Variants in GPR176 observed in about 807,000 individuals in gnomAD.
GPR176 encodes the protein G-protein coupled receptor 176.
In GPR176, 26 loss-of-function variants were observed where a neutral mutation model predicts 35.4. That is an observed-to-expected ratio of 0.74 (90% CI 0.54 to 1.02). The LOEUF (loss-of-function observed/expected upper bound fraction) is 1.02, where lower values mean the gene tolerates loss of function less well. GPR176 is among the 50% of genes least tolerant of loss of function. The probability of loss-of-function intolerance (pLI) is 0.00; values close to 1 mark genes in which losing one functional copy is unlikely to be tolerated. For synonymous variants in GPR176, 278 were observed against 271.3 expected (o/e 1.02, Z -0.24); for missense variants, 597 against 665.3 (o/e 0.90, Z 1.13).
chr15:39,891,396 T>TC (rs1290855470), intron 1 of GPR176, among the ~76,000 whole-genome samples: 2 of 152,180 alleles, frequency 1.3e-5, no homozygotes, highest in African/African-American at 4.8e-5. Context: ...TCTTGCTGTG[T>TC]CGCCCAGGCT....
chr15:39,826,264 A>C (rs1900641773), intron 1 of GPR176, among the ~76,000 whole-genome samples: 1 of 152,216 alleles, frequency 6.6e-6, no homozygotes. Flanking sequence ...GCAGGGCAGC[A>C]GATGAGGGAA....
intron 1 of GPR176, among the ~76,000 whole-genome samples, chr15:39,891,774 G>A (rs535139865): frequency 6.6e-6 from 1 of 152,322 alleles, no homozygotes; most frequent in Admixed American, 6.5e-5. Flanking sequence ...AGGAGTTGGA[G>A]ACTGTAGTGA....
intron 1 of GPR176, among the ~76,000 whole-genome samples, chr15:39,877,426 A>C (rs1377150054): frequency 1.3e-5 from 2 of 152,212 alleles, no homozygotes; most frequent in African/African-American, 4.8e-5. Context: ...ATCAAATGTG[A>C]GCAAATATTT....
rs576027350 is a variant in GPR176 at position 39,808,030 on chromosome 15, C to T, written c.173-772G>A. 3.3e-5 allele frequency among the ~76,000 whole-genome samples: 5 copies of T among 152,278 alleles called. No homozygotes were observed. The South Asian group carries it at 6.2e-4, about 19-fold the overall frequency. On this transcript the variant is annotated intron_variant, in intron 1 of 2. Coordinates refer to ENST00000561100, the MANE Select transcript of GPR176 (RefSeq NM_007223.3). ...TCTCCTGGTTTTCCTTCCACCCTCC[C>T]GCTTCCGCCAGTCCTTGGCTGCTGC...
At chr15:39,851,805 T>G (rs1160480001) in intron 1 of GPR176, among the ~76,000 whole-genome samples, 1 of 152,208 alleles carries the variant, frequency 6.6e-6, no homozygotes. Context: ...AAGAATTTGT[T>G]GCCATTTCCA....
intron 1 of GPR176, among the ~76,000 whole-genome samples, chr15:39,846,211 A>G (rs1383095851): frequency 2.0e-5 from 3 of 152,196 alleles, no homozygotes; most frequent in African/African-American, 7.2e-5. Context: ...TAGAGATGAA[A>G]CCACCTTTGC....
At chr15:39,829,075 A>T in intron 1 of GPR176, 1 of 996,548 alleles carries the variant, frequency 1.0e-6, no homozygotes, top group Non-Finnish European at 1.5e-6. Flanking sequence ...CTGAAAGGTT[A>T]ATTACCCAAA....
At chr15:39,871,469 T>C (rs948950965) in intron 1 of GPR176, among the ~76,000 whole-genome samples, 1 of 152,242 alleles carries the variant, frequency 6.6e-6, no homozygotes, top group African/African-American at 2.4e-5. Flanking sequence ...TGTAGGAGTA[T>C]GTTTCATTGC....
At chr15:39,824,167 C>G (rs1054272039) in intron 1 of GPR176, among the ~76,000 whole-genome samples, 1 of 152,248 alleles carries the variant, frequency 6.6e-6, no homozygotes, top group Admixed American at 6.5e-5. Context: ...ATGTGACATG[C>G]TGTCTGGCTC....
rs2140885129 is a variant in GPR176, at chr15:39,919,880, G to A, written c.147C>T (p.Val49=). 1 of 1,490,782 alleles carries A rather than the reference G, an allele frequency of 6.7e-7. No individual in the cohort carries two copies. Among genetic ancestry groups the A allele is most frequent in the East Asian group, 2.7e-5 (1 of 37,252 alleles). The allele number at this position is 1,490,782 out of a possible 1,614,324, so 92.3% of individuals were successfully genotyped here. A position where few individuals can be genotyped will look rare whatever the true frequency, so the allele number is the denominator to read the frequency against. Residue 49 remains valine, a synonymous_variant, in exon 1 of 3, where the codon GTC becomes GTT. Coordinates refer to ENST00000561100, the MANE Select transcript of GPR176 (RefSeq NM_007223.3). ...LYRQFTTTVQ[V]VIFIGSLLGN... is the part of the protein sequence containing the mutation. ...CGAGCAGCGAGCCTATGAAGATGAC[G>A]ACCTGCACGGTGGTGGTGAACTGGC...
At chr15:39,872,243 G>A (rs1344122133) in intron 1 of GPR176, among the ~76,000 whole-genome samples, 3 of 152,184 alleles carry the variant, frequency 2.0e-5, no homozygotes, top group African/African-American at 7.2e-5. Flanking sequence ...CTGACATGGT[G>A]GGCCTTGAAG....
intron 1 of GPR176, among the ~76,000 whole-genome samples, chr15:39,837,122 G>A (rs1359420142): frequency 6.6e-6 from 1 of 152,082 alleles, no homozygotes; most frequent in Non-Finnish European, 1.5e-5. Flanking sequence ...ACTGCCTAAT[G>A]GGAGTCTGGT....
rs79165816 is a variant in GPR176 at position 39,886,454 on chromosome 15, C to G, written c.172+33401G>C. Among the ~76,000 whole-genome samples the G allele has an allele frequency of 4.6e-3, 706 of 152,220 alleles. 6 individuals carry two copies. Among genetic ancestry groups the G allele is most frequent in the African/African-American group, 0.016 (678 of 41,530 alleles). Reference sequence around the variant, plus strand: ...CCCACCCCCATCTTGATTTTCACATCTATAAAATTACAGCATTGGACCAAG... The same window carrying G: ...CCCACCCCCATCTTGATTTTCACATGTATAAAATTACAGCATTGGACCAAG... On this transcript the variant is annotated intron_variant, in intron 1 of 2. Coordinates refer to ENST00000561100, the MANE Select transcript of GPR176 (RefSeq NM_007223.3).
At chr15:39,838,574 AC>A (rs1901550709) in intron 1 of GPR176, among the ~76,000 whole-genome samples, 1 of 152,180 alleles carries the variant, frequency 6.6e-6, no homozygotes. Context: ...AGAACCAAAG[AC>A]AAAAACCACA....
chr15:39,812,488 G>A (rs547992178), intron 1 of GPR176, among the ~76,000 whole-genome samples: 103 of 152,272 alleles, frequency 6.8e-4, no homozygotes, highest in African/African-American at 2.3e-3. Flanking sequence ...CCAGTGATCT[G>A]CCAGGGGCTT....
At chr15:39,814,780 G>A (rs1899788763) in intron 1 of GPR176, 1 of 152,214 alleles carries the variant, frequency 6.6e-6, no homozygotes, top group Non-Finnish European at 1.5e-5. Context: ...ATCATTCTGA[G>A]AAAGGTTAAG....
intron 1 of GPR176, among the ~76,000 whole-genome samples, chr15:39,881,476 G>A (rs943325799): frequency 6.6e-6 from 1 of 152,192 alleles, no homozygotes; most frequent in Non-Finnish European, 1.5e-5. Context: ...GGCTGTTTGA[G>A]AGAAATTGTT....
intron 1 of GPR176, among the ~76,000 whole-genome samples, chr15:39,809,170 C>T (rs1347042869): frequency 6.6e-6 from 1 of 152,098 alleles, no homozygotes; most frequent in Non-Finnish European, 1.5e-5. Flanking sequence ...ATTTATATGC[C>T]TCTAGACAGC....
chr15:39,842,167 T>C (rs537970005), intron 1 of GPR176, among the ~76,000 whole-genome samples: 2 of 152,222 alleles, frequency 1.3e-5, no homozygotes, highest in Non-Finnish European at 2.9e-5. Context: ...AGAGGTTTAA[T>C]TGGCACACAG....
Sources: allele counts gnomAD v4.1 joint callset (sites outside exome capture counted in the v4.1 genomes callset), GRCh38; gene constraint gnomAD v4.1.1; transcripts MANE v1.5; gene names NCBI Gene and HGNC (gene_info 2026-07-23, HGNC 2026-07-21).